TSR3: variants seen among roughly 807,000 people sequenced by gnomAD.
TSR3 encodes TSR3 ribosome maturation factor.
In TSR3, 31 loss-of-function variants were observed where a neutral mutation model predicts 28.1. The observed-to-expected ratio is 1.10, with a 90% confidence interval of 0.83 to 1.49. The LOEUF (loss-of-function observed/expected upper bound fraction) is 1.49, where lower values mean the gene tolerates loss of function less well. Among genes scored for constraint, TSR3 ranks in the 40% most tolerant of loss-of-function variants. The probability of loss-of-function intolerance (pLI) is 0.00; values close to 1 mark genes in which losing one functional copy is unlikely to be tolerated. For missense variants in TSR3, 511 were observed against 444.0 expected (o/e 1.15, Z -1.36); for synonymous variants, 219 against 197.2 (o/e 1.11, Z -0.93).
Position 1,351,368 on chromosome 16 carries a change from C to T in TSR3, c.332+11G>A, listed in dbSNP as rs1349908094. ...AATGAAGACGACCTCGGGCAGGCCTCCCGCGCCTACCTGTCTGCGGGGGAC... is the reference window on the plus strand; with the variant it reads ...AATGAAGACGACCTCGGGCAGGCCTTCCGCGCCTACCTGTCTGCGGGGGAC... On this transcript the variant is annotated intron_variant, in intron 2 of 5. Coordinates refer to ENST00000007390, the MANE Select transcript of TSR3 (RefSeq NM_001001410.3). 6.4e-7 allele frequency: 1 copy of T among 1,573,382 alleles called. No homozygotes were observed. Among genetic ancestry groups the T allele is most frequent in the Admixed American group, 1.8e-5 (1 of 55,036 alleles).
chr16:1,349,905 G>C lies in TSR3; in HGVS notation c.751C>G (p.Pro251Ala), dbSNP rs768217236. ...SGREFGNPNR[P>A]VASTRLPSDT... ...AGGACCTACCGGGTGCTGGCCACAG[G>C]CCTGTTGGGGTTTCCAAACTCTCTC... Residue 251 changes from proline to alanine, a missense_variant, in exon 5 of 6, where the codon CCT (proline) becomes GCT (alanine). By Grantham distance (27) the Pro-to-Ala change is conservative. Coordinates refer to ENST00000007390, the MANE Select transcript of TSR3 (RefSeq NM_001001410.3). 7 of 1,613,592 alleles carry C rather than the reference G, an allele frequency of 4.3e-6. No homozygotes were observed. In the African/African-American group the frequency reaches 9.3e-5, roughly 22 times the overall value.
In TSR3 at chr16:1,349,295, T is replaced by C. The variant is rs1171940570; in HGVS notation, c.*142A>G. The C allele has an allele frequency of 2.2e-6, 2 of 916,644 alleles. No homozygotes were observed. Among genetic ancestry groups the C allele is most frequent in the Admixed American group, 1.9e-5 (1 of 53,514 alleles). 56.8% of individuals were successfully genotyped at this position (916,644 alleles called of 1,614,324 possible). A position where few individuals can be genotyped will look rare whatever the true frequency, so the allele number is the denominator to read the frequency against. On this transcript the variant is annotated 3_prime_UTR_variant, in exon 6 of 6. Coordinates refer to ENST00000007390, the MANE Select transcript of TSR3 (RefSeq NM_001001410.3). ...GCCGAGGCAGGACACAGAGCACAGC[T>C]GTGCTGGAAGTGTGGGGAGAACCCG... is the stretch of plus-strand genomic sequence containing the variant.
In TSR3 at chr16:1,350,826, A is replaced by G. The variant is rs1284141920; in HGVS notation, c.507T>C (p.Ala169=). Residue 169 remains alanine, a synonymous_variant, in exon 3 of 6, where the codon GCT becomes GCC. Coordinates refer to ENST00000007390, the MANE Select transcript of TSR3 (RefSeq NM_001001410.3). ...PYRLSCVEAF[A]ATFCIVGFPD... is the part of the protein sequence containing the mutation. ...ACTCACCTACGATGCAGAAGGTGGCAGCAAACGCTTCCACGCAGGAAAGTC... is the reference window on the plus strand; with the variant it reads ...ACTCACCTACGATGCAGAAGGTGGCGGCAAACGCTTCCACGCAGGAAAGTC... 2 of 1,612,954 alleles carry G rather than the reference A, an allele frequency of 1.2e-6. No homozygotes were observed. Among genetic ancestry groups the G allele is most frequent in the South Asian group, 2.2e-5 (2 of 91,084 alleles).
chr16:1,351,675 C>T lies in TSR3; in HGVS notation c.112+18G>A. 7.2e-7 allele frequency: 1 copy of T among 1,395,416 alleles called. No homozygotes were observed. Among genetic ancestry groups the T allele is most frequent in the Non-Finnish European group, 9.2e-7 (1 of 1,081,868 alleles). The allele number at this position is 1,395,416 out of a possible 1,614,324, so 86.4% of individuals were successfully genotyped here. On this transcript the variant is annotated intron_variant, in intron 1 of 5. Transcript: ENST00000007390. Reference sequence around the variant, plus strand: ...GCCCTCAAACCCTGACCCGCTCTCCCCATCACGCCTCGCTCACCCTGCAGC... The same window carrying T: ...GCCCTCAAACCCTGACCCGCTCTCCTCATCACGCCTCGCTCACCCTGCAGC...
intron 1 of TSR3, 27 bp from the exon 2 acceptor site, chr16:1,351,625 G>A: frequency 2.8e-6 from 4 of 1,450,298 alleles, no homozygotes; most frequent in Non-Finnish European, 3.6e-6. Flanking sequence ...AGGGCACTCG[G>A]CCTCAGCGTG....
At chr16:1,350,728 C>G in intron 3 of TSR3, 79 bp downstream of exon 3, 1 of 1,500,658 alleles carries the variant, frequency 6.7e-7, no homozygotes, top group Non-Finnish European at 9.1e-7. Flanking sequence ...TGGGGTCTGT[C>G]GGCAGGAAAC....
chr16:1,349,855 C>T (rs760085640), intron 5 of TSR3, 34 bp downstream of exon 5: 7 of 1,612,202 alleles, frequency 4.3e-6, no homozygotes, highest in Non-Finnish European at 5.9e-6. Context: ...AGCCCTGGGT[C>T]TGAGTGATCA....
Position 1,349,370 on chromosome 16 carries a change from A to G in TSR3, c.*67T>C. 6.3e-7 allele frequency: 1 copy of G among 1,587,976 alleles called. No individual in the cohort carries two copies. Among genetic ancestry groups the G allele is most frequent in the Non-Finnish European group, 8.6e-7 (1 of 1,157,312 alleles). On this transcript the variant is annotated 3_prime_UTR_variant, in exon 6 of 6. Coordinates refer to ENST00000007390, the MANE Select transcript of TSR3 (RefSeq NM_001001410.3). ...GCAAAGAGCCGAGGCTGCCAGGCCC[A>G]TTTATGTCCCTCATGTCTCTAGATT...
At chr16:1,351,074 A>C (rs1000935039) in intron 2 of TSR3, 74 bp from the exon 3 acceptor site, 121 of 1,475,206 alleles carry the variant, frequency 8.2e-5, no homozygotes, top group Non-Finnish European at 9.7e-5. Context: ...AGAATGGCCT[A>C]GCTAAGGGAT....
At position 1,349,500 on chromosome 16, in the gene TSR3, C is replaced by A; in HGVS notation, c.876G>T (p.Arg292=). The part of the protein sequence containing the change: ...SCCEEEQTQG[R]GAEARAPAEV... ...CAGCCGGGGCCCTGGCCTCAGCCCC[C>A]CGTCCCTGCGTCTGCTCCTCTTCAC... The change falls in exon 6 of 6, where the codon CGG becomes CGT. Residue 292 remains arginine (R), a synonymous_variant. Coordinates refer to ENST00000007390, the MANE Select transcript of TSR3 (RefSeq NM_001001410.3). 1 of 1,613,730 alleles carries A rather than the reference C, an allele frequency of 6.2e-7. No homozygotes were observed. The highest frequency in any genetic ancestry group is 1.6e-4 in the Middle Eastern group (1 of 6,062).
chr16:1,351,262 G>T (rs1313627418), intron 2 of TSR3, 117 bp downstream of exon 2: 4 of 1,196,366 alleles, frequency 3.3e-6, no homozygotes, highest in Admixed American at 5.4e-5. Flanking sequence ...CTAGACAGAC[G>T]TTCCCTGCCC....
Position 1,349,497 on chromosome 16 carries a change from C to T in TSR3, c.879G>A (p.Gly293=). ...CCTCAGCCGGGGCCCTGGCCTCAGC[C>T]CCCCGTCCCTGCGTCTGCTCCTCTT... The part of the protein sequence containing the change: ...CCEEEQTQGR[G]AEARAPAEVW... Residue 293 remains glycine (G), a synonymous_variant, in exon 6 of 6, where the codon GGG becomes GGA. Coordinates refer to ENST00000007390, the MANE Select transcript of TSR3 (RefSeq NM_001001410.3). 1.2e-6 allele frequency: 2 copies of T among 1,613,772 alleles called. No homozygotes were observed. Among genetic ancestry groups the T allele is most frequent in the Non-Finnish European group, 1.7e-6 (2 of 1,180,004 alleles).
intron 2 of TSR3, 74 bp downstream of exon 2, chr16:1,351,305 T>C: frequency 6.9e-7 from 1 of 1,444,658 alleles, no homozygotes; most frequent in Non-Finnish European, 9.2e-7. Context: ...GACATACAAG[T>C]GCCACTAAAC....
rs1474839268 is a variant in TSR3 at position 1,350,763 on chromosome 16, C to T, written c.526+44G>A. 3.2e-6 allele frequency: 5 copies of T among 1,586,112 alleles called. No individual in the cohort carries two copies. The South Asian group carries it at 3.4e-5, about 11-fold the overall frequency. On this transcript the variant is annotated intron_variant, in intron 3 of 5. Coordinates refer to ENST00000007390, the MANE Select transcript of TSR3 (RefSeq NM_001001410.3). ...CATGATGCTGGGAGCATAGCAGGAA[C>T]AGCAGGCCGCCGGGTCACACTGCTG...
Position 1,350,906 on chromosome 16 carries a change from G to T in TSR3, c.427C>A (p.Arg143Ser). The T allele has an allele frequency of 6.2e-7, 1 of 1,612,994 alleles. No homozygotes were observed. The highest frequency in any genetic ancestry group is 1.1e-5 in the South Asian group (1 of 91,082). ...GCGGCCACCAGGTAGGGCAACAGGC[G>T]CAAGTGGCTCCCTCGCATCTTCCCA... is the stretch of plus-strand genomic sequence containing the variant. ...PFGKMRGSHL[R>S]LLPYLVAANP... Residue 143 changes from arginine to serine, a missense_variant, in exon 3 of 6, where the codon CGC (arginine) becomes AGC (serine). Transcript: ENST00000007390.
chr16:1,351,279 G>T, intron 2 of TSR3, 100 bp downstream of exon 2: 1 of 1,270,402 alleles, frequency 7.9e-7, no homozygotes, highest in Non-Finnish European at 1.1e-6. Flanking sequence ...GCCCACGTGG[G>T]TGTGGATGTG....
chr16:1,349,269 C>A lies in TSR3; in HGVS notation c.*168G>T. 1 of 754,654 alleles carries A rather than the reference C, an allele frequency of 1.3e-6. No homozygotes were observed. 46.7% of individuals were successfully genotyped at this position (754,654 alleles called of 1,614,324 possible). A position where few individuals can be genotyped will look rare whatever the true frequency, so the allele number is the denominator to read the frequency against. The stretch of plus-strand genomic sequence containing the variant: ...TGGCCTGCAGCTTCATTTGCGAGAG[C>A]GCCGAGGCAGGACACAGAGCACAGC... On this transcript the variant is annotated 3_prime_UTR_variant, in exon 6 of 6. Transcript: ENST00000007390.
At chr16:1,351,080 G>A in intron 2 of TSR3, 80 bp from the exon 3 acceptor site, 3 of 1,419,128 alleles carry the variant, frequency 2.1e-6, no homozygotes, top group Non-Finnish European at 2.9e-6. Flanking sequence ...GCCTAGCTAA[G>A]GGATTCAGGG....
At chr16:1,351,153 T>C (rs1482112047) in intron 2 of TSR3, among the ~76,000 whole-genome samples, 153 bp from the exon 3 acceptor site, 5 of 152,218 alleles carry the variant, frequency 3.3e-5, no homozygotes, top group South Asian at 4.1e-4. Context: ...TTGAGGCAGC[T>C]GCTTGGGGCA....
Sources: gnomAD v4.1 joint callset for allele counts (sites outside exome capture counted in the v4.1 genomes callset) on GRCh38, gnomAD v4.1.1 for gene constraint, MANE v1.5 for transcripts, NCBI Gene and HGNC (gene_info 2026-07-23, HGNC 2026-07-21) for gene names.